Variants in RAD18 observed in about 807,000 individuals in gnomAD.
The protein encoded by RAD18 is E3 ubiquitin-protein ligase RAD18.
RAD18 carries 47 observed loss-of-function variants against 60.4 expected under a neutral mutation model. The ratio of observed to expected loss-of-function variants is 0.78; its 90% confidence interval spans 0.62 to 0.99. The LOEUF is 0.99. Among genes scored for constraint, RAD18 ranks in the 50% least tolerant of loss-of-function variants. RAD18 has a pLI of 0.00. For synonymous variants in RAD18, 225 were observed against 195.5 expected, an observed-to-expected ratio of 1.15 and a Z score of -1.26; for missense variants, 640 against 593.3, an observed-to-expected ratio of 1.08 and a Z score of -0.82.
rs142332454 is a variant in RAD18 at position 8,914,785 on chromosome 3, A to G, written c.890-1065T>C. 6.7e-3 allele frequency among the ~76,000 whole-genome samples: 1,019 copies of G among 152,226 alleles called. 7 individuals carry two copies. The highest frequency in any genetic ancestry group is 0.024 in the African/African-American group (978 of 41,536). ...ACAGGGACCATTTGCATTCTATCCA[A>G]TCCATTAATACAAGTATCACTAAAG... On this transcript the variant is annotated intron_variant, in intron 7 of 12. Transcript: ENST00000264926.
chr3:8,889,896 T>C (rs1465292850), intron 12 of RAD18, among the ~76,000 whole-genome samples: 1 of 152,222 alleles, frequency 6.6e-6, no homozygotes, highest in African/African-American at 2.4e-5. Context: ...CGTAAGATTA[T>C]AATACCATGT....
intron 2 of RAD18, among the ~76,000 whole-genome samples, chr3:8,956,811 T>C (rs1488223988): frequency 6.7e-6 from 1 of 150,264 alleles, no homozygotes; most frequent in Non-Finnish European, 1.5e-5. Flanking sequence ...GGTAGGTTTA[T>C]GAAAACATAT....
intron 2 of RAD18, among the ~76,000 whole-genome samples, chr3:8,957,302 G>A (rs995110799): frequency 4.6e-5 from 7 of 151,942 alleles, no homozygotes; most frequent in African/African-American, 1.7e-4. Context: ...GCAGGCTTTT[G>A]GTAGAAATTG....
chr3:8,881,290 T>C lies in RAD18; in HGVS notation c.*67A>G. The C allele has an allele frequency of 7.9e-7, 1 of 1,260,692 alleles. No homozygotes were observed. Among genetic ancestry groups the C allele is most frequent in the South Asian group, 1.3e-5 (1 of 77,808 alleles). The allele number at this position is 1,260,692 out of a possible 1,614,324, so 78.1% of individuals were successfully genotyped here. On this transcript the variant is annotated 3_prime_UTR_variant, in exon 13 of 13. Transcript: ENST00000264926. ...TCCTTGGGCATTTATAAATAGAAAA[T>C]CTATCTGTGGCAACCAAAAGTACGG...
intron 7 of RAD18, among the ~76,000 whole-genome samples, chr3:8,918,086 G>A (rs1264565643): frequency 6.6e-6 from 1 of 152,150 alleles, no homozygotes; most frequent in Non-Finnish European, 1.5e-5. Flanking sequence ...GGGAGGCCGA[G>A]GCGAGTGGAT....
chr3:8,963,417 C>G lies in RAD18; in HGVS notation c.-32G>C. 2.5e-6 allele frequency: 4 copies of G among 1,569,046 alleles called. No individual in the cohort carries two copies. The highest frequency in any genetic ancestry group is 3.5e-6 in the Non-Finnish European group (4 of 1,152,770). Reference sequence around the variant, plus strand: ...TCCCGAGGATGCTGGGGGTCAGCCACCCACTAGCCTCCGGCGCTCCAACAC... The same window carrying G: ...TCCCGAGGATGCTGGGGGTCAGCCAGCCACTAGCCTCCGGCGCTCCAACAC... On this transcript the variant is annotated 5_prime_UTR_variant, in exon 1 of 13. Transcript: ENST00000264926.
chr3:8,963,430 G>T lies in RAD18; in HGVS notation c.-45C>A, dbSNP rs1346150238. ...GGGGGTCAGCCACCCACTAGCCTCC[G>T]GCGCTCCAACACCACTCGAAATTCC... On this transcript the variant is annotated 5_prime_UTR_variant, in exon 1 of 13. Transcript: ENST00000264926. 1 of 1,531,184 alleles carries T rather than the reference G, an allele frequency of 6.5e-7. No homozygotes were observed. Among genetic ancestry groups the T allele is most frequent in the East Asian group, 2.4e-5 (1 of 40,822 alleles). 94.8% of individuals were successfully genotyped at this position (1,531,184 alleles called of 1,614,324 possible).
intron 7 of RAD18, among the ~76,000 whole-genome samples, chr3:8,920,714 G>A (rs531527387): frequency 1.3e-4 from 20 of 152,312 alleles, no homozygotes; most frequent in Middle Eastern, 6.8e-3. Flanking sequence ...CTGCCAGAAT[G>A]AGAAGATTTT....
Position 8,881,278 on chromosome 3 carries a change from A to C in RAD18, c.*79T>G, listed in dbSNP as rs1334943528. On this transcript the variant is annotated 3_prime_UTR_variant, in exon 13 of 13. Transcript: ENST00000264926. ...ATTTAGCATCTTTCCTTGGGCATTT[A>C]TAAATAGAAAATCTATCTGTGGCAA... The C allele has an allele frequency of 1.7e-6, 2 of 1,145,198 alleles. No individual in the cohort carries two copies. Among genetic ancestry groups the C allele is most frequent in the Non-Finnish European group, 2.6e-6 (2 of 782,058 alleles). The allele number at this position is 1,145,198 out of a possible 1,614,324, so 70.9% of individuals were successfully genotyped here.
chr3:8,949,640 A>G (rs949168554), intron 2 of RAD18, among the ~76,000 whole-genome samples: 15 of 151,946 alleles, frequency 9.9e-5, no homozygotes, highest in Non-Finnish European at 1.5e-4. Context: ...GCAGGGTCAC[A>G]GGGCAAACTG....
intron 7 of RAD18, among the ~76,000 whole-genome samples, chr3:8,920,638 G>A (rs1940301494): frequency 6.9e-6 from 1 of 144,854 alleles, no homozygotes; most frequent in Non-Finnish European, 1.5e-5. Flanking sequence ...GGCTCTAGAT[G>A]TAATATTCCG....
chr3:8,950,575 C>T (rs1279572158), intron 2 of RAD18, among the ~76,000 whole-genome samples: 2 of 152,160 alleles, frequency 1.3e-5, no homozygotes, highest in Admixed American at 6.5e-5. Flanking sequence ...TCCCCTCTGC[C>T]CATACCTAAA....
intron 11 of RAD18, among the ~76,000 whole-genome samples, chr3:8,891,388 G>A (rs889138322): frequency 6.6e-6 from 1 of 152,042 alleles, no homozygotes; most frequent in African/African-American, 2.4e-5. Flanking sequence ...AAAGGAGGAT[G>A]GCCAAGCCTG....
chr3:8,937,866 T>G (rs1404226732), intron 6 of RAD18, among the ~76,000 whole-genome samples: 3 of 152,172 alleles, frequency 2.0e-5, no homozygotes, highest in Non-Finnish European at 2.9e-5. Context: ...TAGTGTTCTT[T>G]GAAGCAGGAA....
intron 9 of RAD18, among the ~76,000 whole-genome samples, chr3:8,911,755 C>T (rs554660502): frequency 1.3e-5 from 2 of 152,252 alleles, no homozygotes; most frequent in African/African-American, 4.8e-5. Flanking sequence ...ATCTACTGTT[C>T]GTCAGGCACT....
intron 6 of RAD18, among the ~76,000 whole-genome samples, 158 bp from the exon 7 acceptor site, chr3:8,936,213 T>C (rs1940650692): frequency 6.6e-6 from 1 of 152,212 alleles, no homozygotes; most frequent in Non-Finnish European, 1.5e-5. Flanking sequence ...GTGGATAAAG[T>C]TGAGTGTCTG....
chr3:8,938,058 A>G (rs1940683160), intron 6 of RAD18, among the ~76,000 whole-genome samples: 1 of 152,218 alleles, frequency 6.6e-6, no homozygotes, highest in Non-Finnish European at 1.5e-5. Context: ...CTCAGCTTCT[A>G]TATTCCCAAC....
chr3:8,944,938 T>A (rs1477455242), intron 4 of RAD18, among the ~76,000 whole-genome samples: 1 of 152,216 alleles, frequency 6.6e-6, no homozygotes, highest in African/African-American at 2.4e-5. Flanking sequence ...CAGCTCTGCA[T>A]CTGTGGATTC....
intron 7 of RAD18, among the ~76,000 whole-genome samples, chr3:8,920,187 G>A (rs544969954): frequency 2.0e-5 from 3 of 150,730 alleles, no homozygotes; most frequent in Non-Finnish European, 4.4e-5. Flanking sequence ...GCTGAGGCAG[G>A]AGAATGGCGT....
Sources: gnomAD v4.1 joint callset for allele counts (sites outside exome capture counted in the v4.1 genomes callset) on GRCh38, gnomAD v4.1.1 for gene constraint, MANE v1.5 for transcripts, NCBI Gene and HGNC (gene_info 2026-07-23, HGNC 2026-07-21) for gene names.